ARAP2: variants seen among roughly 807,000 people sequenced by gnomAD.
The protein encoded by ARAP2 is ArfGAP with RhoGAP domain, ankyrin repeat and PH domain 2, also known as arf-GAP with Rho-GAP domain, ANK repeat and PH domain-containing protein 2.
A neutral mutation model predicts 194.5 loss-of-function variants in ARAP2; 148 were observed. The observed-to-expected ratio is 0.76, with a 90% CI of 0.67 to 0.87. ARAP2 has a LOEUF of 0.87. Among genes scored for constraint, ARAP2 ranks in the 40% least tolerant of loss-of-function variants. ARAP2 has a pLI of 0.00. For missense variants in ARAP2, 2,128 were observed against 1,989.7 expected, an observed-to-expected ratio of 1.07 and a Z score of -1.32; for synonymous variants, 695 against 683.5, an observed-to-expected ratio of 1.02 and a Z score of -0.26.
At chr4:36,145,098 TGAA>T (rs1729333406) in intron 19 of ARAP2, among the ~76,000 whole-genome samples, 1 of 151,772 alleles carries the variant, frequency 6.6e-6, no homozygotes, top group South Asian at 2.1e-4. Context: ...ACCAATTTGT[TGAA>T]GAAGAAAGGC....
intron 5 of ARAP2, among the ~76,000 whole-genome samples, chr4:36,029,242 TCCTTATA>T (rs1036478907): frequency 1.5e-4 from 23 of 152,044 alleles, no homozygotes; most frequent in African/African-American, 5.3e-4. Context: ...TACTTATTTC[TCCTTATA>T]CCTTATATGT....
chr4:36,186,537 C>G (rs1168756401), intron 8 of ARAP2, among the ~76,000 whole-genome samples: 2 of 152,186 alleles, frequency 1.3e-5, no homozygotes, highest in Non-Finnish European at 2.9e-5. Context: ...AACCCAAGAC[C>G]ATGGACTGGT....
chr4:36,021,026 A>T (rs1051737309), intron 5 of ARAP2, among the ~76,000 whole-genome samples: 1 of 152,244 alleles, frequency 6.6e-6, no homozygotes, highest in African/African-American at 2.4e-5. Flanking sequence ...CAATTAGATC[A>T]GAAAAATGAG....
At position 36,010,657 on chromosome 4, in the gene ARAP2, A is replaced by G. The variant is rs16991850; in HGVS notation, n.1325+1906T>C. Reference sequence around the variant, plus strand: ...ATGAGGGACCTAAGTCTTTTTTCAAACCAAATGACCTAATGAATCCTCTTG... The same window carrying G: ...ATGAGGGACCTAAGTCTTTTTTCAAGCCAAATGACCTAATGAATCCTCTTG... On this transcript the variant is annotated intron_variant and non_coding_transcript_variant, in intron 9 of 12. Transcript: ENST00000503225. 9.6e-3 allele frequency among the ~76,000 whole-genome samples: 1,460 copies of G among 152,140 alleles called. 26 individuals carry two copies. Among genetic ancestry groups the G allele is most frequent in the African/African-American group, 0.034 (1,402 of 41,536 alleles).
rs1199177235 is a variant in ARAP2 at position 36,073,801 on chromosome 4, G to C, written c.4631C>G (p.Pro1544Arg). 6 of 1,612,964 alleles carry C rather than the reference G, an allele frequency of 3.7e-6. No homozygotes were observed. Among genetic ancestry groups the C allele is most frequent in the Non-Finnish European group, 5.1e-6 (6 of 1,179,242 alleles). ...TGAACGTTTTCGTTCCTTTCCAGCT[G>C]GTGGCCATATATCATATTCATGCTG... is the stretch of plus-strand genomic sequence containing the variant. The part of the protein sequence containing the change: ...IAQHEYDIWP[P>R]AGKERKRSIT... The change falls in exon 32 of 33, where the codon CCA (proline) becomes CGA (arginine). Residue 1544 changes from proline (P) to arginine (R), a missense_variant. Pro to Arg is a moderately radical substitution (Grantham distance 103). Transcript: ENST00000303965.
chr4:36,214,328 C>CCA (rs1390202286), intron 3 of ARAP2, 94 bp downstream of exon 3: 3 of 952,164 alleles, frequency 3.2e-6, no homozygotes, highest in Admixed American at 2.3e-5. Context: ...GTTCCCTATA[C>CCA]CACAGGTGGG....
chr4:36,011,537 G>C (rs1714553403), intron 9 of ARAP2, among the ~76,000 whole-genome samples: 1 of 152,042 alleles, frequency 6.6e-6, no homozygotes, highest in African/African-American at 2.4e-5. Flanking sequence ...TTTTTCCAGA[G>C]AATCTTAGAA....
At chr4:36,212,188 C>T (rs1746908587) in intron 5 of ARAP2, among the ~76,000 whole-genome samples, 1 of 108,824 alleles carries the variant, frequency 9.2e-6, no homozygotes, top group South Asian at 3.1e-4. Flanking sequence ...AAATAATCTG[C>T]CACAGAATGC....
chr4:36,147,472 A>G, intron 18 of ARAP2, 76 bp downstream of exon 18: 1 of 1,562,994 alleles, frequency 6.4e-7, no homozygotes, highest in Non-Finnish European at 8.8e-7. Flanking sequence ...AGCCATCAAG[A>G]TCTTACTAAA....
chr4:36,244,723 C>T (rs1208238584), upstream of ARAP2, among the ~76,000 whole-genome samples: 1 of 152,118 alleles, frequency 6.6e-6, no homozygotes, highest in Non-Finnish European at 1.5e-5. Flanking sequence ...GGGGGCGCGC[C>T]CTGGAGCCCA....
intron 6 of ARAP2, among the ~76,000 whole-genome samples, chr4:36,208,342 T>C: frequency 6.6e-6 from 1 of 152,210 alleles, no homozygotes; most frequent in Non-Finnish European, 1.5e-5. Flanking sequence ...CACAGCCTCA[T>C]TCATCGGCTT....
intron 24 of ARAP2, among the ~76,000 whole-genome samples, chr4:36,117,821 A>G (rs976849196): frequency 1.1e-4 from 17 of 151,672 alleles, no homozygotes; most frequent in African/African-American, 3.9e-4. Flanking sequence ...AAAGTGAAGA[A>G]GATGCAAGCC....
At chr4:36,101,976 G>A (rs565500564) in intron 27 of ARAP2, among the ~76,000 whole-genome samples, 13 of 36,242 alleles carry the variant, frequency 3.6e-4, no homozygotes, top group Admixed American at 1.8e-3. Flanking sequence ...GACAATTTAC[G>A]TGGCATTGCT....
At chr4:36,058,618 T>G (rs560762270) in intron 1 of ARAP2, among the ~76,000 whole-genome samples, 1 of 152,340 alleles carries the variant, frequency 6.6e-6, no homozygotes, top group African/African-American at 2.4e-5. Flanking sequence ...TCCCATTGTT[T>G]CTAGCTTTCA....
At chr4:36,225,296 T>A (rs1750071277) in intron 2 of ARAP2, among the ~76,000 whole-genome samples, 1 of 152,182 alleles carries the variant, frequency 6.6e-6, no homozygotes, top group South Asian at 2.1e-4. Context: ...GCATGAAAGA[T>A]GTACAAAAAT....
chr4:36,036,208 C>T (rs1719892393), intron 5 of ARAP2, among the ~76,000 whole-genome samples: 1 of 152,020 alleles, frequency 6.6e-6, no homozygotes, highest in Admixed American at 6.6e-5. Flanking sequence ...CAAATATTTT[C>T]CCTACAGGTA....
intron 8 of ARAP2, among the ~76,000 whole-genome samples, chr4:36,013,038 C>T (rs1217951817): frequency 6.6e-6 from 1 of 152,146 alleles, no homozygotes; most frequent in Non-Finnish European, 1.5e-5. Context: ...AAAGACTTAA[C>T]AAAGGTAGAG....
At chr4:36,167,874 T>G (rs923972325) in intron 9 of ARAP2, among the ~76,000 whole-genome samples, 3 of 152,270 alleles carry the variant, frequency 2.0e-5, no homozygotes, top group African/African-American at 7.2e-5. Flanking sequence ...AGAATGTGAC[T>G]TATCAATTAA....
At chr4:36,123,711 C>G (rs1181572159) in intron 22 of ARAP2, among the ~76,000 whole-genome samples, 1 of 151,750 alleles carries the variant, frequency 6.6e-6, no homozygotes, top group Non-Finnish European at 1.5e-5. Flanking sequence ...ATTATCCTAA[C>G]ACATTTGATC....
Sources: gnomAD v4.1 joint callset for allele counts (sites outside exome capture counted in the v4.1 genomes callset) on GRCh38, gnomAD v4.1.1 for gene constraint, MANE v1.5 for transcripts, NCBI Gene and HGNC (gene_info 2026-07-23, HGNC 2026-07-21) for gene names.